FAM20A: variants seen among roughly 807,000 people sequenced by gnomAD.
FAM20A encodes the protein FAM20A golgi associated secretory pathway pseudokinase, also known as pseudokinase FAM20A.
In FAM20A, 42 loss-of-function variants were observed where a neutral mutation model predicts 52.0. That is an observed-to-expected ratio of 0.81 (90% CI 0.63 to 1.04). The LOEUF (loss-of-function observed/expected upper bound fraction) is 1.04. Ranked by LOEUF, FAM20A falls within the 50% of genes least tolerant of loss-of-function variation. The pLI is 0.00. For missense variants in FAM20A, 742 were observed against 712.7 expected, an observed-to-expected ratio of 1.04 and a Z score of -0.47; for synonymous variants, 304 against 298.9, an observed-to-expected ratio of 1.02 and a Z score of -0.18.
rs777716015 is a variant in FAM20A at position 68,537,415 on chromosome 17, C to T, written c.*62G>A. On this transcript the variant is annotated 3_prime_UTR_variant, in exon 11 of 11. Coordinates refer to ENST00000592554, the MANE Select transcript of FAM20A (RefSeq NM_017565.4). The surrounding 1 kb of genome is among the most constrained non-coding windows in gnomAD (Gnocchi z 4.2). Reference sequence around the variant, plus strand: ...ACAGGTGGGAGTGAGGACGCAGGGTCGGCACTCGAGTCGACTGCTCTGGCT... The same window carrying T: ...ACAGGTGGGAGTGAGGACGCAGGGTTGGCACTCGAGTCGACTGCTCTGGCT... The T allele has an allele frequency of 4.7e-5, 76 of 1,605,092 alleles. No homozygotes were observed. In the South Asian group the frequency reaches 5.7e-4, roughly 12 times the overall value.
rs569571447 is a variant in FAM20A, at chr17:68,537,795, G to C, written c.1362-54C>G. ...TAAGCAAATGTAAAGAAAATAACTT[G>C]CCTGAACTTCTTTCCCCACAAACAG... On this transcript the variant is annotated intron_variant, in intron 10 of 10. Transcript: ENST00000592554. This position sits in a 1 kb window ranked among gnomAD's most constrained non-coding sequence, Gnocchi z 4.2. 4 of 1,558,152 alleles carry C rather than the reference G, an allele frequency of 2.6e-6. No homozygotes were observed. Among genetic ancestry groups the C allele is most frequent in the Middle Eastern group, 1.9e-4 (1 of 5,358 alleles).
intron 1 of FAM20A, among the ~76,000 whole-genome samples, chr17:68,582,756 G>A (rs938478562): frequency 4.1e-5 from 6 of 145,962 alleles, no homozygotes; most frequent in South Asian, 4.3e-4. Flanking sequence ...CCTGCATAGC[G>A]CTTATGTGGA....
At chr17:68,554,544 T>A (rs1433320938) in intron 3 of FAM20A, among the ~76,000 whole-genome samples, 1 of 152,216 alleles carries the variant, frequency 6.6e-6, no homozygotes, top group Non-Finnish European at 1.5e-5. Context: ...TCCTCAGTGA[T>A]GTTGATGATG....
At chr17:68,564,806 G>A (rs774363071) in intron 1 of FAM20A, among the ~76,000 whole-genome samples, 5 of 152,112 alleles carry the variant, frequency 3.3e-5, no homozygotes, top group African/African-American at 7.2e-5. Flanking sequence ...GGGAGCTGAG[G>A]GCGTGAGGAG....
intron 1 of FAM20A, among the ~76,000 whole-genome samples, chr17:68,565,789 C>A (rs143978873): frequency 2.4e-3 from 366 of 152,196 alleles, no homozygotes; most frequent in African/African-American, 7.8e-3. Context: ...ATATTCACGA[C>A]CTCAGTCTTC....
At chr17:68,580,873 T>C (rs2087923976) in intron 1 of FAM20A, among the ~76,000 whole-genome samples, 1 of 152,128 alleles carries the variant, frequency 6.6e-6, no homozygotes, top group Non-Finnish European at 1.5e-5. Flanking sequence ...TGTAAACATA[T>C]GGGAACCAGA....
At chr17:68,575,086 A>C (rs1323547307) in intron 1 of FAM20A, 1 of 152,158 alleles carries the variant, frequency 6.6e-6, no homozygotes, top group Non-Finnish European at 1.5e-5. Flanking sequence ...TGGAGTCACC[A>C]GAAGCTGAAA....
chr17:68,559,157 G>A (rs1404574668), intron 1 of FAM20A, among the ~76,000 whole-genome samples: 1 of 152,164 alleles, frequency 6.6e-6, no homozygotes, highest in African/African-American at 2.4e-5. Flanking sequence ...TAAGTTTGTG[G>A]CAATTTGTAC....
chr17:68,563,961 C>G (rs2087298738), intron 1 of FAM20A, among the ~76,000 whole-genome samples: 1 of 152,192 alleles, frequency 6.6e-6, no homozygotes, highest in African/African-American at 2.4e-5. Context: ...AGTTCGACCC[C>G]TGCTGTAATG....
chr17:68,553,923 T>TATATGCATATATACATATATACACACAC (rs1568741167), intron 3 of FAM20A, among the ~76,000 whole-genome samples: 1 of 132,200 alleles, frequency 7.6e-6, no homozygotes, highest in East Asian at 2.0e-4. Flanking sequence ...TATACACACA[T>TATATGCATATATACATATATACACACAC]ATATGCATAT....
intron 1 of FAM20A, among the ~76,000 whole-genome samples, chr17:68,573,811 A>G (rs1239271790): frequency 6.6e-6 from 1 of 151,962 alleles, no homozygotes; most frequent in Non-Finnish European, 1.5e-5. Context: ...CTGGGAATAC[A>G]GGTGCCAGCC....
chr17:68,576,827 C>T (rs1249099994), intron 1 of FAM20A, among the ~76,000 whole-genome samples: 1 of 152,164 alleles, frequency 6.6e-6, no homozygotes, highest in East Asian at 1.9e-4. Context: ...TTTTGAATAG[C>T]CTAACAGCTC....
At chr17:68,595,225 T>A (rs1220153676) in intron 1 of FAM20A, among the ~76,000 whole-genome samples, 1 of 152,254 alleles carries the variant, frequency 6.6e-6, no homozygotes, top group Non-Finnish European at 1.5e-5. Context: ...GAACAGCCTC[T>A]GGTTCTCAGC....
intron 1 of FAM20A, among the ~76,000 whole-genome samples, chr17:68,580,540 C>A (rs1164762238): frequency 6.6e-6 from 1 of 152,230 alleles, no homozygotes; most frequent in East Asian, 1.9e-4. Context: ...TGGCTCAGCA[C>A]TTAAGTAAAA....
chr17:68,573,459 CTTT>C (rs1458091716), intron 1 of FAM20A, among the ~76,000 whole-genome samples: 1 of 44,406 alleles, frequency 2.3e-5, no homozygotes, highest in Non-Finnish European at 5.7e-5. Flanking sequence ...TTTCTTTCTT[CTTT>C]CTTTCTTTCT....
chr17:68,594,356 G>A (rs1027772633), intron 1 of FAM20A, among the ~76,000 whole-genome samples: 4 of 150,940 alleles, frequency 2.7e-5, no homozygotes, highest in African/African-American at 9.8e-5. Context: ...CCGAGATCGC[G>A]CCACTGCACT....
chr17:68,564,392 C>G (rs1361620671), intron 1 of FAM20A, among the ~76,000 whole-genome samples: 1 of 152,062 alleles, frequency 6.6e-6, no homozygotes, highest in African/African-American at 2.4e-5. Flanking sequence ...GATGAGAGAC[C>G]AGGTGGATGA....
chr17:68,541,107 GC>G, intron 7 of FAM20A, 149 bp from the exon 8 acceptor site: 1 of 1,169,472 alleles, frequency 8.6e-7, no homozygotes, highest in Non-Finnish European at 1.2e-6. Flanking sequence ...AAGGCCCTGG[GC>G]AAGGACGCGT....
chr17:68,541,657 G>A, intron 7 of FAM20A: 1 of 234,292 alleles, frequency 4.3e-6, no homozygotes. Flanking sequence ...CCTGGTTATA[G>A]CAAGTGCTGT....
Sources: allele counts gnomAD v4.1 joint callset (sites outside exome capture counted in the v4.1 genomes callset), GRCh38; gene constraint gnomAD v4.1.1; non-coding constraint Gnocchi (gnomAD v3.1); transcripts MANE v1.5; gene names NCBI Gene and HGNC (gene_info 2026-07-23, HGNC 2026-07-21).